Variants in RASAL2 observed in about 807,000 individuals in gnomAD.
The protein encoded by RASAL2 is ras GTPase-activating protein nGAP.
In RASAL2, 58 loss-of-function variants were observed where a neutral mutation model predicts 128.9. That is an observed-to-expected ratio of 0.45 (90% CI 0.36 to 0.56). The LOEUF (loss-of-function observed/expected upper bound fraction) is 0.56, where lower values mean the gene tolerates loss of function less well. Ranked by LOEUF, RASAL2 falls within the 20% of genes least tolerant of loss-of-function variation. The pLI, the probability that RASAL2 is intolerant of heterozygous loss-of-function variation, is 0.00. For missense variants in RASAL2, 1,360 were observed against 1,601.6 expected, an observed-to-expected ratio of 0.85 and a Z score of 2.57; for synonymous variants, 561 against 580.8, an observed-to-expected ratio of 0.97 and a Z score of 0.49.
Position 178,441,415 on chromosome 1 carries a change from T to TATCC in RASAL2, c.829-121_829-118dup, listed in dbSNP as rs147105116. On this transcript the variant is annotated intron_variant, in intron 6 of 17. Transcript: ENST00000367649. ...GATCTGAGACCATGTTTTTCTTATC[T>TATCC]ATCCATCCATCCATCCTAATTCCAG... The TATCC allele has an allele frequency of 4.7e-3, 2,769 of 592,644 alleles. 61 individuals are homozygous for TATCC. Among genetic ancestry groups the TATCC allele is most frequent in the African/African-American group, 0.046 (2,453 of 53,294 alleles). The allele number at this position is 592,644 out of a possible 1,614,324, so 36.7% of individuals were successfully genotyped here.
intron 7 of RASAL2, among the ~76,000 whole-genome samples, chr1:178,441,849 G>A (rs12026110): frequency 0.1 from 15,924 of 152,150 alleles, 882 homozygotes; most frequent in Middle Eastern, 0.15. Context: ...AAGAAAAGCA[G>A]TTTAATTGGC....
At chr1:178,350,474 T>TCCG (rs1202687345) in intron 3 of RASAL2, among the ~76,000 whole-genome samples, 1 of 152,214 alleles carries the variant, frequency 6.6e-6, no homozygotes, top group African/African-American at 2.4e-5. Context: ...GTTCAGGCAG[T>TCCG]CCGCCTGCCT....
intron 1 of RASAL2, among the ~76,000 whole-genome samples, chr1:178,132,073 C>G (rs746431840): frequency 5.9e-5 from 9 of 151,906 alleles, no homozygotes; most frequent in Non-Finnish European, 8.8e-5. Context: ...TCCCCCTTCT[C>G]TTTTTCCTTC....
intron 1 of RASAL2, among the ~76,000 whole-genome samples, chr1:178,268,839 T>C (rs1666109018): frequency 6.6e-6 from 1 of 152,208 alleles, no homozygotes; most frequent in Admixed American, 6.5e-5. Flanking sequence ...TCTTTAACCA[T>C]ACTGCTGCAA....
chr1:178,161,185 C>CT (rs1398915947), intron 1 of RASAL2, among the ~76,000 whole-genome samples: 2 of 151,570 alleles, frequency 1.3e-5, no homozygotes, highest in African/African-American at 4.9e-5. Context: ...GTTTTTAGTA[C>CT]TTTGTACAAT....
intron 3 of RASAL2, among the ~76,000 whole-genome samples, chr1:178,300,895 GTTA>G (rs1176859456): frequency 1.3e-5 from 2 of 152,290 alleles, no homozygotes; most frequent in South Asian, 4.1e-4. Context: ...ATATTGTTGT[GTTA>G]TTATTTGCTT....
At chr1:178,464,567 GGTGTGTGTGTGTGTGT>G (rs58822651) in intron 15 of RASAL2, among the ~76,000 whole-genome samples, 155 bp downstream of exon 15, 3 of 145,120 alleles carry the variant, frequency 2.1e-5, no homozygotes, top group African/African-American at 5.1e-5. Context: ...ATAGGTCAGT[GGTGTGTGTGTGTGTGT>G]GTGTGTGTGT....
chr1:178,260,959 T>G (rs1463155096), intron 1 of RASAL2, among the ~76,000 whole-genome samples: 1 of 152,198 alleles, frequency 6.6e-6, no homozygotes, highest in Non-Finnish European at 1.5e-5. Context: ...GAATGCTAAA[T>G]AGAAATTGTT....
Position 178,445,625 on chromosome 1 carries a change from C to A in RASAL2, c.1590C>A (p.Leu530=). The change falls in exon 9 of 18, where the codon CTC becomes CTA. Residue 530 remains leucine (L), a synonymous_variant. Coordinates refer to ENST00000367649, the MANE Select transcript of RASAL2 (RefSeq NM_170692.4). ...CCACCAAATCCATTGAGGAATACCT[C>A]AAGTTGGTGGGACAACAGTATCTTC... ...TIATKSIEEY[L]KLVGQQYLHD... 1.2e-6 allele frequency: 2 copies of A among 1,613,702 alleles called. No individual in the cohort carries two copies. Among genetic ancestry groups the A allele is most frequent in the Non-Finnish European group, 1.7e-6 (2 of 1,179,726 alleles).
chr1:178,109,137 G>A (rs1448468699), intron 1 of RASAL2, among the ~76,000 whole-genome samples: 1 of 152,154 alleles, frequency 6.6e-6, no homozygotes, highest in South Asian at 2.1e-4. Context: ...TATTCAGGTG[G>A]CTCTCTACTT....
At chr1:178,238,199 T>C (rs1304966099) in intron 1 of RASAL2, among the ~76,000 whole-genome samples, 2 of 152,218 alleles carry the variant, frequency 1.3e-5, no homozygotes, top group Non-Finnish European at 2.9e-5. Flanking sequence ...TGTGTCTAGC[T>C]TCTTTTACTT....
At chr1:178,436,857 T>C (rs1676287810) in intron 5 of RASAL2, among the ~76,000 whole-genome samples, 1 of 152,070 alleles carries the variant, frequency 6.6e-6, no homozygotes, top group African/African-American at 2.4e-5. Flanking sequence ...GGATTACAGG[T>C]GTGAGCCACC....
chr1:178,395,331 G>C (rs140948616), intron 4 of RASAL2, among the ~76,000 whole-genome samples: 3 of 152,264 alleles, frequency 2.0e-5, no homozygotes, highest in Non-Finnish European at 4.4e-5. Context: ...ATTTTAGTCA[G>C]TGTGTTACCT....
intron 1 of RASAL2, among the ~76,000 whole-genome samples, chr1:178,200,767 G>A (rs1035591392): frequency 2.6e-5 from 4 of 152,180 alleles, no homozygotes; most frequent in African/African-American, 7.2e-5. Flanking sequence ...AGAGGACCCT[G>A]ACGAAGCTGG....
rs539871514 is a variant in RASAL2 at position 178,232,927 on chromosome 1, T to G, written c.203-50637T>G. ...CTGGTCCATAAAGGTGTTGGTGGGT[T>G]GTTGTTGTTTTTATTTCACTTAAAA... On this transcript the variant is annotated intron_variant, in intron 1 of 17. Transcript: ENST00000367649. Among the ~76,000 whole-genome samples the G allele has an allele frequency of 1.1e-3, 162 of 152,292 alleles. 1 individual carries two copies. Among genetic ancestry groups the G allele is most frequent in the African/African-American group, 3.6e-3 (149 of 41,568 alleles).
intron 1 of RASAL2, among the ~76,000 whole-genome samples, chr1:178,236,507 G>A (rs1664247403): frequency 6.6e-6 from 1 of 152,036 alleles, no homozygotes; most frequent in Non-Finnish European, 1.5e-5. Flanking sequence ...TGTGGCAACT[G>A]GGTCATTTCT....
intron 6 of RASAL2, among the ~76,000 whole-genome samples, chr1:178,440,003 A>G (rs947013902): frequency 1.1e-4 from 17 of 151,640 alleles, no homozygotes; most frequent in African/African-American, 4.1e-4. Context: ...CCATCCATCC[A>G]TCCATCCTAA....
At chr1:178,412,112 G>A in intron 4 of RASAL2, 1 of 280,372 alleles carries the variant, frequency 3.6e-6, no homozygotes, top group Admixed American at 4.9e-5. Flanking sequence ...GAGTAATGGA[G>A]TCAAGGAATT....
At chr1:178,456,326 G>A (rs1572107745) in intron 12 of RASAL2, 1 of 247,280 alleles carries the variant, frequency 4.0e-6, no homozygotes, top group East Asian at 8.8e-5. Flanking sequence ...AGTTCTTTTG[G>A]TTAGAAGGAA....
Sources: allele counts gnomAD v4.1 joint callset (sites outside exome capture counted in the v4.1 genomes callset), GRCh38; gene constraint gnomAD v4.1.1; transcripts MANE v1.5; gene names NCBI Gene and HGNC (gene_info 2026-07-23, HGNC 2026-07-21).